Variants in NFASC observed in about 807,000 individuals in gnomAD.
NFASC encodes the protein neurofascin.
A neutral mutation model predicts 147.5 loss-of-function variants in NFASC; 43 were observed. The observed-to-expected ratio is 0.29, with a 90% CI of 0.23 to 0.38. NFASC has a LOEUF of 0.38. Among genes scored for constraint, NFASC ranks in the 10% least tolerant of loss-of-function variants. NFASC has a pLI of 1.00. For missense variants in NFASC, 1,320 were observed against 1,689.0 expected (o/e 0.78, Z 3.83); for synonymous variants, 622 against 665.5 (o/e 0.93, Z 1.01).
Position 204,975,241 on chromosome 1 carries a change from C to CA in NFASC, c.1559-29dup, listed in dbSNP as rs1369764821. On this transcript the variant is annotated intron_variant, in intron 14 of 29. Coordinates refer to ENST00000339876, the MANE Select transcript of NFASC (RefSeq NM_001005388.3). The surrounding 1 kb of genome is among the most constrained non-coding windows in gnomAD (Gnocchi z 4.0). ...TGGGGATGCTGGGCAGAGAACAGGC[C>CA]AGTGGCGAGTGCTCTGGGCTTCTCC... 2.5e-6 allele frequency: 4 copies of CA among 1,588,680 alleles called. No individual in the cohort carries two copies. The highest frequency in any genetic ancestry group is 2.6e-6 in the Non-Finnish European group (3 of 1,164,682).
intron 5 of NFASC, 52 bp downstream of exon 5, chr1:204,952,168 C>T: frequency 7.3e-7 from 1 of 1,367,972 alleles, no homozygotes. Context: ...GCCTCTGGGC[C>T]TGATGATAAC....
At chr1:204,891,673 G>T (rs549902596) in intron 1 of NFASC, among the ~76,000 whole-genome samples, 1 of 152,304 alleles carries the variant, frequency 6.6e-6, no homozygotes, top group South Asian at 2.1e-4. Context: ...CACTGTGGAT[G>T]GGCATCAGGA....
At chr1:205,009,811 GGAAA>G in intron 28 of NFASC, 123 bp downstream of exon 28, 1 of 1,041,688 alleles carries the variant, frequency 9.6e-7, no homozygotes, top group Non-Finnish European at 1.4e-6. Flanking sequence ...TGCCCGGATT[GGAAA>G]TACAATCCTC....
Position 204,968,211 on chromosome 1 carries a change from G to C in NFASC, c.707-38G>C, listed in dbSNP as rs200837986. ...TTGGCCTAGTGGGGTCTGCCTTCTG[G>C]AAGGAGGCTCATGGGAGTTTGTTCT... On this transcript the variant is annotated intron_variant, in intron 8 of 29. Coordinates refer to ENST00000339876, the MANE Select transcript of NFASC (RefSeq NM_001005388.3). This position sits in a 1 kb window ranked among gnomAD's most constrained non-coding sequence, Gnocchi z 5.4. 53 of 1,503,968 alleles carry C rather than the reference G, an allele frequency of 3.5e-5. No homozygotes were observed. In the Admixed American group the frequency reaches 4.5e-4, roughly 13 times the overall value. The allele number at this position is 1,503,968 out of a possible 1,614,324, so 93.2% of individuals were successfully genotyped here.
chr1:204,906,732 G>C (rs2085990120), intron 1 of NFASC, among the ~76,000 whole-genome samples: 1 of 151,652 alleles, frequency 6.6e-6, no homozygotes, highest in Non-Finnish European at 1.5e-5. Context: ...GCCCAGGCTG[G>C]AGTGCAGTGG....
intron 1 of NFASC, among the ~76,000 whole-genome samples, chr1:204,842,800 T>A (rs996853960): frequency 6.6e-6 from 1 of 152,246 alleles, no homozygotes; most frequent in Non-Finnish European, 1.5e-5. Flanking sequence ...GTTTGACTGG[T>A]GGGCCCGCAG....
In NFASC at chr1:204,936,183, C is replaced by CTCT. The variant is rs2092811141; in HGVS notation, c.-90-8043_-90-8042insTCT. 5.9e-5 allele frequency among the ~76,000 whole-genome samples: 8 copies of CTCT among 135,722 alleles called. No individual in the cohort carries two copies. The South Asian group carries it at 1.3e-3, about 23-fold the overall frequency. 89.0% of individuals were successfully genotyped at this position (135,722 alleles called of 152,430 possible). ...GTGAAAACCTAGCATTAACAGATTC[C>CTCT]CTCTCTCTCTCTTTCTTTTTCTTTT... On this transcript the variant is annotated intron_variant, in intron 2 of 29. Transcript: ENST00000339876.
At chr1:204,946,709 A>G (rs966210877) in intron 3 of NFASC, 1 of 518,720 alleles carries the variant, frequency 1.9e-6, no homozygotes, top group Non-Finnish European at 3.9e-6. Context: ...ATTTCTGGCA[A>G]TTTCTATAGA....
At chr1:204,884,085 C>T (rs1283319751) in intron 1 of NFASC, among the ~76,000 whole-genome samples, 1 of 152,118 alleles carries the variant, frequency 6.6e-6, no homozygotes, top group Non-Finnish European at 1.5e-5. Context: ...TAAATGCATC[C>T]CACTCTCTGC....
chr1:204,906,805 CCCCGAGTAGCTGGGACTACAGGCA>C (rs761898251), intron 1 of NFASC, among the ~76,000 whole-genome samples: 58 of 152,040 alleles, frequency 3.8e-4, no homozygotes, highest in Non-Finnish European at 6.8e-4. Context: ...GCCTCAGCCT[CCCCGAGTAGCTGGGACTACAGGCA>C]CCCGCCACCC....
chr1:204,953,754 G>T (rs537604145), intron 5 of NFASC, among the ~76,000 whole-genome samples: 90 of 152,316 alleles, frequency 5.9e-4, no homozygotes, highest in Non-Finnish European at 1.2e-3. Context: ...GAAGTATTTA[G>T]GTTGGGTGGA....
At chr1:204,867,561 T>G (rs1204519991) in intron 1 of NFASC, among the ~76,000 whole-genome samples, 1 of 151,900 alleles carries the variant, frequency 6.6e-6, no homozygotes, top group Non-Finnish European at 1.5e-5. Context: ...GGCACACACA[T>G]ATAAGTCAGA....
At chr1:204,999,933 C>T (rs1407950385) in intron 25 of NFASC, 1 of 152,222 alleles carries the variant, frequency 6.6e-6, no homozygotes, top group African/African-American at 2.4e-5. Flanking sequence ...TACGAGGCTT[C>T]ATGCAAGTAC....
At chr1:204,888,758 A>G (rs1170837435) in intron 1 of NFASC, among the ~76,000 whole-genome samples, 1 of 152,216 alleles carries the variant, frequency 6.6e-6, no homozygotes, top group South Asian at 2.1e-4. Context: ...AATTAAATGA[A>G]TGAGTATGAC....
Position 204,862,996 on chromosome 1 carries a change from T to C in NFASC, c.-200+34214T>C, listed in dbSNP as rs533469143. 6.6e-5 allele frequency among the ~76,000 whole-genome samples: 10 copies of C among 152,304 alleles called. No homozygotes were observed. The South Asian group carries it at 2.1e-3, about 32-fold the overall frequency. ...GTGTTTGACCTACTGGATGTGGTGC[T>C]TTTCCTCCTCGTTCAAAAACTAAAG... On this transcript the variant is annotated intron_variant, in intron 1 of 29. Transcript: ENST00000339876.
At chr1:204,833,783 A>C (rs552953855) in intron 1 of NFASC, among the ~76,000 whole-genome samples, 2 of 152,232 alleles carry the variant, frequency 1.3e-5, no homozygotes, top group African/African-American at 4.8e-5. Context: ...GACATGGCAC[A>C]GTAGAAACCA....
At chr1:204,881,062 A>G (rs1230299645) in intron 1 of NFASC, among the ~76,000 whole-genome samples, 1 of 152,234 alleles carries the variant, frequency 6.6e-6, no homozygotes, top group African/African-American at 2.4e-5. Context: ...GGATACGGGC[A>G]ACTGAGGCTC....
At position 205,020,069 on chromosome 1, in the gene NFASC, C is replaced by G. The variant is rs1015092978; in HGVS notation, c.*3530C>G. ...GCTAACAGGAAAGCCAAACCAGCAC[C>G]CTCCTTTGTGCTCTGAGAGGTTGGA... is the stretch of plus-strand genomic sequence containing the variant. On this transcript the variant is annotated 3_prime_UTR_variant, in exon 30 of 30. Coordinates refer to ENST00000339876, the MANE Select transcript of NFASC (RefSeq NM_001005388.3). The G allele has an allele frequency of 1.3e-5, 2 of 152,196 alleles. No individual in the cohort carries two copies. Among genetic ancestry groups the G allele is most frequent in the Admixed American group, 1.3e-4 (2 of 15,272 alleles). 9.4% of individuals were successfully genotyped at this position (152,196 alleles called of 1,614,324 possible).
intron 1 of NFASC, among the ~76,000 whole-genome samples, chr1:204,839,657 T>A (rs753082728): frequency 6.6e-6 from 1 of 152,212 alleles, no homozygotes; most frequent in Non-Finnish European, 1.5e-5. Flanking sequence ...AGGGCTGTCC[T>A]GAGCTCGCCT....
Sources: allele counts gnomAD v4.1 joint callset (sites outside exome capture counted in the v4.1 genomes callset), GRCh38; gene constraint gnomAD v4.1.1; non-coding constraint Gnocchi (gnomAD v3.1); transcripts MANE v1.5; gene names NCBI Gene and HGNC (gene_info 2026-07-23, HGNC 2026-07-21).